ZBTB41: variants seen among roughly 807,000 people sequenced by gnomAD.
ZBTB41 encodes zinc finger and BTB domain-containing protein 41.
Under a neutral mutation model 87.6 loss-of-function variants are expected in ZBTB41, and 42 were observed. The observed-to-expected ratio is 0.48, with a 90% CI of 0.37 to 0.62. The LOEUF (loss-of-function observed/expected upper bound fraction) is 0.62. Among genes scored for constraint, ZBTB41 ranks in the 20% least tolerant of loss-of-function variants. ZBTB41 has a pLI of 0.00. For synonymous variants in ZBTB41, 364 were observed against 364.0 expected (o/e 1.00, Z 0.00); for missense variants, 799 against 1,078.9 (o/e 0.74, Z 3.63).
chr1:197,170,799 C>CA (rs892205406), intron 10 of ZBTB41, among the ~76,000 whole-genome samples: 4 of 152,158 alleles, frequency 2.6e-5, no homozygotes, highest in African/African-American at 9.6e-5. Context: ...ATGATTGTGA[C>CA]AGACTCTTAG....
chr1:197,164,827 A>G (rs180786767), intron 10 of ZBTB41, among the ~76,000 whole-genome samples: 1,933 of 20,936 alleles, frequency 0.092, 8 homozygotes, highest in East Asian at 0.22. Context: ...TATATAATAC[A>G]TATCTAATAT....
chr1:197,186,224 T>C (rs183100339), intron 5 of ZBTB41, among the ~76,000 whole-genome samples: 1 of 150,344 alleles, frequency 6.7e-6, no homozygotes, highest in Non-Finnish European at 1.5e-5. Flanking sequence ...CAATACAATA[T>C]AGTAAAGATA....
intron 10 of ZBTB41, among the ~76,000 whole-genome samples, chr1:197,170,597 A>G (rs1466122991): frequency 6.6e-6 from 1 of 152,132 alleles, no homozygotes; most frequent in Admixed American, 6.6e-5. Flanking sequence ...CTCTGAACCT[A>G]TAAATCTCAA....
intron 5 of ZBTB41, among the ~76,000 whole-genome samples, chr1:197,184,902 C>T (rs1659844414): frequency 1.3e-5 from 2 of 152,092 alleles, no homozygotes; most frequent in Non-Finnish European, 2.9e-5. Context: ...ACAACCTCCG[C>T]CTCTTGGGTT....
At chr1:197,176,471 A>T in intron 8 of ZBTB41, 93 bp downstream of exon 8, 1 of 900,722 alleles carries the variant, frequency 1.1e-6, no homozygotes, top group Non-Finnish European at 1.7e-6. Flanking sequence ...CCAAATTATT[A>T]AACTTATAGC....
chr1:197,167,307 G>A (rs751152842), intron 10 of ZBTB41, among the ~76,000 whole-genome samples: 37 of 151,986 alleles, frequency 2.4e-4, no homozygotes, highest in Non-Finnish European at 5.3e-4. Flanking sequence ...TGATCCTCCC[G>A]CCTCTGCCTT....
chr1:197,186,299 T>C (rs1659881328), intron 5 of ZBTB41, among the ~76,000 whole-genome samples: 1 of 150,758 alleles, frequency 6.6e-6, no homozygotes, highest in Non-Finnish European at 1.5e-5. Flanking sequence ...AAAATACATC[T>C]AGACACAGAC....
chr1:197,196,618 G>C (rs1660168226), intron 2 of ZBTB41, among the ~76,000 whole-genome samples: 1 of 151,978 alleles, frequency 6.6e-6, no homozygotes, highest in Non-Finnish European at 1.5e-5. Context: ...CTTTTCAACA[G>C]TCCCTATCAC....
chr1:197,168,399 T>A (rs1659399600), intron 10 of ZBTB41, among the ~76,000 whole-genome samples: 1 of 152,046 alleles, frequency 6.6e-6, no homozygotes, highest in South Asian at 2.1e-4. Context: ...ATTTCTAAAT[T>A]TATATAAAAA....
chr1:197,160,854 C>T (rs748944331), intron 10 of ZBTB41, among the ~76,000 whole-genome samples: 5 of 152,128 alleles, frequency 3.3e-5, no homozygotes, highest in African/African-American at 7.2e-5. Flanking sequence ...TCATAGGCGT[C>T]GTAGAAGATG....
At chr1:197,172,681 T>C (rs1659509788) in intron 9 of ZBTB41, among the ~76,000 whole-genome samples, 1 of 152,066 alleles carries the variant, frequency 6.6e-6, no homozygotes, top group Non-Finnish European at 1.5e-5. Context: ...CATATCTTAA[T>C]TGTGGTGATG....
At chr1:197,175,220 G>A in intron 8 of ZBTB41, 105 bp from the exon 9 acceptor site, 1 of 884,704 alleles carries the variant, frequency 1.1e-6, no homozygotes, top group Non-Finnish European at 1.7e-6. Flanking sequence ...AAATATAACA[G>A]GAAAGTAAAG....
At position 197,177,199 on chromosome 1, in the gene ZBTB41, C is replaced by T. The variant is rs149109218; in HGVS notation, c.1773-529G>A. 6.3e-3 allele frequency among the ~76,000 whole-genome samples: 962 copies of T among 152,210 alleles called. 11 individuals are homozygous for T. Among genetic ancestry groups the T allele is most frequent in the African/African-American group, 0.022 (924 of 41,540 alleles). On this transcript the variant is annotated intron_variant, in intron 7 of 10. Transcript: ENST00000367405. Reference sequence around the variant, plus strand: ...GAAGGAGGGACCTGGTGGCAGGTAACTGGATCATGGGGGCAGTTTCCCCAT... The same window carrying T: ...GAAGGAGGGACCTGGTGGCAGGTAATTGGATCATGGGGGCAGTTTCCCCAT...
chr1:197,164,758 T>G (rs1659278129), intron 10 of ZBTB41, among the ~76,000 whole-genome samples: 2 of 120,734 alleles, frequency 1.7e-5, no homozygotes, highest in Non-Finnish European at 3.2e-5. Context: ...ATATATATTA[T>G]ATATAATACA....
At chr1:197,168,279 T>C (rs1208382427) in intron 10 of ZBTB41, among the ~76,000 whole-genome samples, 1 of 152,094 alleles carries the variant, frequency 6.6e-6, no homozygotes, top group Non-Finnish European at 1.5e-5. Flanking sequence ...GTTCACAGAC[T>C]GGATAATACG....
chr1:197,168,448 A>G (rs1438634199), intron 10 of ZBTB41, among the ~76,000 whole-genome samples: 1 of 152,164 alleles, frequency 6.6e-6, no homozygotes, highest in African/African-American at 2.4e-5. Context: ...TTGAAACTAA[A>G]AAGTTGACAA....
intron 5 of ZBTB41, among the ~76,000 whole-genome samples, chr1:197,181,806 G>GT (rs1659755246): frequency 6.6e-6 from 1 of 152,216 alleles, no homozygotes; most frequent in South Asian, 2.1e-4. Flanking sequence ...ATTCAGAAAC[G>GT]TAACTATAAG....
intron 8 of ZBTB41, among the ~76,000 whole-genome samples, chr1:197,176,284 A>C (rs976582968): frequency 3.9e-5 from 6 of 152,130 alleles, no homozygotes; most frequent in Non-Finnish European, 5.9e-5. Flanking sequence ...ATATCCATGT[A>C]ATATGCAAAA....
chr1:197,177,682 C>T (rs1659644978), intron 7 of ZBTB41, among the ~76,000 whole-genome samples: 1 of 152,028 alleles, frequency 6.6e-6, no homozygotes, highest in South Asian at 2.1e-4. Flanking sequence ...ATTAATTTAA[C>T]TTGAATTACT....
Sources: gnomAD v4.1 joint callset for allele counts (sites outside exome capture counted in the v4.1 genomes callset) on GRCh38, gnomAD v4.1.1 for gene constraint, MANE v1.5 for transcripts, NCBI Gene and HGNC (gene_info 2026-07-23, HGNC 2026-07-21) for gene names.